MICAL3: variants seen among roughly 807,000 people sequenced by gnomAD.
MICAL3 encodes the protein microtubule associated monooxygenase, calponin and LIM domain containing 3, also known as [F-actin]-monooxygenase MICAL3.
A neutral mutation model predicts 207.4 loss-of-function variants in MICAL3; 62 were observed. The observed-to-expected ratio is 0.30, with a 90% confidence interval of 0.24 to 0.37. The LOEUF is 0.37. Among genes scored for constraint, MICAL3 ranks in the 10% least tolerant of loss-of-function variants. The pLI is 1.00. For missense variants in MICAL3, 2,368 were observed against 2,635.6 expected, an observed-to-expected ratio of 0.90 and a Z score of 2.22; for synonymous variants, 1,077 against 1,069.3, an observed-to-expected ratio of 1.01 and a Z score of -0.14.
Position 17,841,407 on chromosome 22 carries a change from G to T in MICAL3, c.2801+415C>A, listed in dbSNP as rs917099178. The T allele has an allele frequency of 3.1e-6, 1 of 324,180 alleles. No homozygotes were observed. The highest frequency in any genetic ancestry group is 2.1e-5 in the African/African-American group (1 of 48,586). The allele number at this position is 324,180 out of a possible 1,614,324, so 20.1% of individuals were successfully genotyped here. On this transcript the variant is annotated intron_variant, in intron 20 of 31. Coordinates refer to ENST00000441493, the MANE Select transcript of MICAL3 (RefSeq NM_015241.3). This position sits in a 1 kb window ranked among gnomAD's most constrained non-coding sequence, Gnocchi z 4.2. The stretch of plus-strand genomic sequence containing the variant: ...TTTTCAGTCCCTTTCTTTACCTACA[G>T]GAGAAAAAAAGATGCCTGGGGGACG...
At chr22:17,886,107 C>G in intron 15 of MICAL3, 56 bp from the exon 16 acceptor site, 1 of 1,588,144 alleles carries the variant, frequency 6.3e-7, no homozygotes, top group Non-Finnish European at 8.6e-7. Context: ...TCCCCCCATG[C>G]CCCTCCCTCA....
At chr22:18,012,191 T>G (rs931487600) in intron 1 of MICAL3, among the ~76,000 whole-genome samples, 1 of 151,964 alleles carries the variant, frequency 6.6e-6, no homozygotes, top group Middle Eastern at 3.4e-3. Flanking sequence ...GCAGAGATTG[T>G]GCCACTGCAC....
intron 19 of MICAL3, 28 bp from the exon 20 acceptor site, chr22:17,842,045 C>G: frequency 6.3e-7 from 1 of 1,583,648 alleles, no homozygotes; most frequent in Non-Finnish European, 8.6e-7. Flanking sequence ...AAGCACTGCA[C>G]TGAGGTCCAA....
At chr22:17,803,759 G>A in intron 29 of MICAL3, 1 of 914,618 alleles carries the variant, frequency 1.1e-6, no homozygotes, top group Non-Finnish European at 1.3e-6. Flanking sequence ...AAGCGTGGGT[G>A]GAGAAAGGGC....
chr22:17,805,395 G>T (rs1431986438), intron 29 of MICAL3, among the ~76,000 whole-genome samples: 1 of 152,240 alleles, frequency 6.6e-6, no homozygotes, highest in Non-Finnish European at 1.5e-5. Context: ...ATGTATTCAC[G>T]TAAGAGAAGG....
intron 19 of MICAL3, chr22:17,864,375 G>C (rs1926831640): frequency 2.3e-6 from 3 of 1,298,348 alleles, no homozygotes; most frequent in South Asian, 3.7e-5. Context: ...TCCACACACA[G>C]TGACAGGGAA....
At position 17,817,621 on chromosome 22, in the gene MICAL3, C is replaced by T. The variant is rs1196502592; in HGVS notation, c.5040G>A (p.Gly1680=). The change falls in exon 26 of 32, where the codon GGG becomes GGA. Residue 1680 remains glycine (G), a synonymous_variant. Transcript: ENST00000441493. ...ATGAAGTGAAAGAGCCATCTGGGCCCCCTGAGTCCGACGGCGGGGAGAGGA... is the reference window on the plus strand; with the variant it reads ...ATGAAGTGAAAGAGCCATCTGGGCCTCCTGAGTCCGACGGCGGGGAGAGGA... ...EEVLSPPSDS[G]GPDGSFTSSE... The T allele has an allele frequency of 6.2e-7, 1 of 1,613,208 alleles. No homozygotes were observed. The highest frequency in any genetic ancestry group is 8.5e-7 in the Non-Finnish European group (1 of 1,179,852).
chr22:17,850,957 C>A (rs916730038), intron 19 of MICAL3, among the ~76,000 whole-genome samples: 1 of 152,136 alleles, frequency 6.6e-6, no homozygotes, highest in African/African-American at 2.4e-5. Context: ...TGATTTGTAT[C>A]AACTGGCCAG....
At chr22:17,824,224 G>A (rs555937576) in intron 22 of MICAL3, among the ~76,000 whole-genome samples, 1 of 152,238 alleles carries the variant, frequency 6.6e-6, no homozygotes, top group East Asian at 1.9e-4. Flanking sequence ...GCTCTCCTAG[G>A]GTTCAAGCCC....
In MICAL3 at chr22:17,817,314, C is replaced by T; in HGVS notation, c.5347G>A (p.Ala1783Thr). The stretch of plus-strand genomic sequence containing the variant: ...GCGGACCCGGCTGCTGACGCACCTG[C>T]CCTTACGACGGGAAGCACCCTGTGC... Reference protein sequence around the residue: ...GKHRVLPVVRAELQLRRQLSF... With the variant: ...GKHRVLPVVRTELQLRRQLSF... Residue 1783 changes from alanine (A) to threonine (T), a missense_variant, in exon 26 of 32, where the codon GCA becomes ACA. Transcript: ENST00000441493. The T allele has an allele frequency of 6.3e-7, 1 of 1,593,364 alleles. No homozygotes were observed. Among genetic ancestry groups the T allele is most frequent in the Non-Finnish European group, 8.5e-7 (1 of 1,170,316 alleles).
chr22:17,908,855 C>T (rs965824114), intron 1 of MICAL3, among the ~76,000 whole-genome samples: 1 of 152,204 alleles, frequency 6.6e-6, no homozygotes, highest in Non-Finnish European at 1.5e-5. Flanking sequence ...TATTCAGCTG[C>T]AGGTGCTGCT....
At chr22:17,861,302 T>C in intron 19 of MICAL3, 1 of 984,220 alleles carries the variant, frequency 1.0e-6, no homozygotes, top group Non-Finnish European at 1.2e-6. Flanking sequence ...GGGCAAGGAA[T>C]GTCTGGGGAC....
intron 1 of MICAL3, among the ~76,000 whole-genome samples, chr22:17,928,646 C>G (rs1359701008): frequency 3.9e-5 from 6 of 152,296 alleles, no homozygotes; most frequent in Admixed American, 3.9e-4. Context: ...ACATTCACTC[C>G]TTGAAATAAC....
chr22:17,929,716 C>T (rs764141209), intron 1 of MICAL3, among the ~76,000 whole-genome samples: 8 of 151,856 alleles, frequency 5.3e-5, no homozygotes, highest in African/African-American at 7.2e-5. Context: ...TACAGATGCC[C>T]GCCACCACGC....
chr22:17,898,324 C>T lies in MICAL3; in HGVS notation c.948+1124G>A, dbSNP rs73386395. Among the ~76,000 whole-genome samples the T allele has an allele frequency of 7.7e-3, 1,167 of 152,336 alleles. 13 individuals are homozygous for T. The highest frequency in any genetic ancestry group is 0.027 in the African/African-American group (1,126 of 41,574). ...TAATTAGCAAGGCAATTTTAGAAAG[C>T]ATCTAACCAGATACGTCTTGCTTAT... On this transcript the variant is annotated intron_variant, in intron 7 of 31. Coordinates refer to ENST00000441493, the MANE Select transcript of MICAL3 (RefSeq NM_015241.3).
chr22:17,917,269 A>G (rs777785379), intron 1 of MICAL3, among the ~76,000 whole-genome samples: 1 of 152,174 alleles, frequency 6.6e-6, no homozygotes, highest in Non-Finnish European at 1.5e-5. Flanking sequence ...TCTAGCTTAA[A>G]GCACTGGAGG....
chr22:17,899,412 A>G, intron 7 of MICAL3, 36 bp downstream of exon 7: 1 of 1,343,668 alleles, frequency 7.4e-7, no homozygotes, highest in Non-Finnish European at 1.1e-6. Flanking sequence ...TAACCACTTC[A>G]ATAAGAAAGA....
chr22:17,911,021 T>TGG lies in MICAL3; in HGVS notation c.-74-4137_-74-4136dup, dbSNP rs773186838. Among the ~76,000 whole-genome samples, 4 of 93,296 alleles carry TGG rather than the reference T, an allele frequency of 4.3e-5. No homozygotes were observed. The East Asian group carries it at 1.5e-3, about 34-fold the overall frequency. The allele number at this position is 93,296 out of a possible 152,430, so 61.2% of individuals were successfully genotyped here. On this transcript the variant is annotated intron_variant, in intron 1 of 31. Transcript: ENST00000441493. The stretch of plus-strand genomic sequence containing the variant: ...GGAAGTGAGGAGCCGGGTTGGGGGC[T>TGG]GGGGGAGGAAGAGGAGGTGATGCCA...
At chr22:17,920,996 G>A (rs1226776208) in intron 1 of MICAL3, among the ~76,000 whole-genome samples, 1 of 152,092 alleles carries the variant, frequency 6.6e-6, no homozygotes, top group Non-Finnish European at 1.5e-5. Context: ...TAAATAAGAT[G>A]ACTACAAAGA....
Sources: allele counts gnomAD v4.1 joint callset (sites outside exome capture counted in the v4.1 genomes callset), GRCh38; gene constraint gnomAD v4.1.1; non-coding constraint Gnocchi (gnomAD v3.1); transcripts MANE v1.5; gene names NCBI Gene and HGNC (gene_info 2026-07-23, HGNC 2026-07-21).